ZNF609: variants seen among roughly 807,000 people sequenced by gnomAD.
ZNF609 encodes the protein zinc finger protein 609.
In ZNF609, 11 loss-of-function variants were observed where a neutral mutation model predicts 109.5. The ratio of observed to expected loss-of-function variants is 0.10; its 90% confidence interval spans 0.06 to 0.17. ZNF609 has a LOEUF of 0.17. ZNF609 is among the 10% of genes least tolerant of loss of function. ZNF609 has a pLI of 1.00. For synonymous variants in ZNF609, 646 were observed against 662.0 expected (o/e 0.98, Z 0.37); for missense variants, 1,559 against 1,772.4 (o/e 0.88, Z 2.16).
chr15:64,475,096 CCTT>C (rs1161132615), intron 1 of ZNF609, among the ~76,000 whole-genome samples: 15 of 94,714 alleles, frequency 1.6e-4, no homozygotes, highest in Non-Finnish European at 3.0e-4. Flanking sequence ...CCCAGTTTAT[CCTT>C]TTTTTTTTTT....
At chr15:64,581,890 T>C (rs1043561259) in intron 2 of ZNF609, among the ~76,000 whole-genome samples, 2 of 152,202 alleles carry the variant, frequency 1.3e-5, no homozygotes, top group African/African-American at 4.8e-5. Flanking sequence ...TTTTCAAAGA[T>C]CCTTTACTCT....
intron 1 of ZNF609, among the ~76,000 whole-genome samples, chr15:64,483,056 A>G (rs1893278235): frequency 6.6e-6 from 1 of 152,144 alleles, no homozygotes; most frequent in Non-Finnish European, 1.5e-5. Context: ...AGGAATATTA[A>G]CGAATTTGAT....
At chr15:64,587,128 G>T (rs1895211842) in intron 2 of ZNF609, among the ~76,000 whole-genome samples, 1 of 152,204 alleles carries the variant, frequency 6.6e-6, no homozygotes, top group South Asian at 2.1e-4. Context: ...AACTCACAAG[G>T]ATGGCGAAAA....
chr15:64,599,300 TTC>T (rs996104013), intron 2 of ZNF609, among the ~76,000 whole-genome samples: 109 of 152,134 alleles, frequency 7.2e-4, no homozygotes, highest in African/African-American at 2.5e-3. Flanking sequence ...CCTGTTTTTT[TTC>T]TTTTTCTTTC....
chr15:64,520,338 A>G (rs1463625575), intron 2 of ZNF609, among the ~76,000 whole-genome samples: 1 of 152,188 alleles, frequency 6.6e-6, no homozygotes, highest in Non-Finnish European at 1.5e-5. Flanking sequence ...ATGTCCCCAG[A>G]CACTGCCAAA....
chr15:64,567,800 T>C (rs1438213937), intron 2 of ZNF609, among the ~76,000 whole-genome samples: 6 of 152,108 alleles, frequency 3.9e-5, no homozygotes, highest in Non-Finnish European at 7.4e-5. Flanking sequence ...TAGCTGGGAC[T>C]ACAGACACGT....
intron 2 of ZNF609, among the ~76,000 whole-genome samples, chr15:64,579,288 A>G (rs572410882): frequency 2.0e-5 from 3 of 151,612 alleles, no homozygotes; most frequent in South Asian, 2.1e-4. Flanking sequence ...ATGCATGCCT[A>G]TAGTCTCAGC....
chr15:64,487,404 A>G (rs1227075670), intron 1 of ZNF609, among the ~76,000 whole-genome samples: 2 of 152,224 alleles, frequency 1.3e-5, no homozygotes, highest in Admixed American at 1.3e-4. Context: ...ATATGTATGT[A>G]GTAAAGTACA....
At chr15:64,571,448 C>T (rs944952464) in intron 2 of ZNF609, among the ~76,000 whole-genome samples, 14 of 152,028 alleles carry the variant, frequency 9.2e-5, no homozygotes, top group Non-Finnish European at 5.9e-5. Context: ...GTTATATAAA[C>T]AGCTGCTATT....
chr15:64,512,462 A>T (rs1323627107), intron 2 of ZNF609, among the ~76,000 whole-genome samples: 1 of 152,164 alleles, frequency 6.6e-6, no homozygotes, highest in Non-Finnish European at 1.5e-5. Flanking sequence ...CTGTGCTTAT[A>T]TTGGATAATA....
Position 64,559,199 on chromosome 15 carries a change from T to C in ZNF609, c.747+59033T>C, listed in dbSNP as rs191557338. On this transcript the variant is annotated intron_variant, in intron 2 of 9. Transcript: ENST00000326648. ...TTTTAGACCAAGGAGGTGCTTGTTG[T>C]TCTGCCTTAATTGCAACTTCTATTT... Among the ~76,000 whole-genome samples the C allele has an allele frequency of 2.7e-4, 41 of 152,374 alleles. 1 individual carries two copies. The highest frequency in any genetic ancestry group is 2.6e-3 in the Admixed American group (40 of 15,310).
chr15:64,626,694 T>C (rs1485437460), intron 3 of ZNF609, among the ~76,000 whole-genome samples: 3 of 152,222 alleles, frequency 2.0e-5, no homozygotes, highest in Non-Finnish European at 4.4e-5. Flanking sequence ...ACAGTGTTAC[T>C]TCTTTCTTTC....
intron 3 of ZNF609, among the ~76,000 whole-genome samples, chr15:64,660,520 A>C (rs12442470): frequency 0.25 from 37,933 of 152,130 alleles, 6,051 homozygotes; most frequent in Admixed American, 0.43. Flanking sequence ...AGAGTTGAGA[A>C]GTTATGACGG....
intron 4 of ZNF609, chr15:64,671,209 C>CAAAAA (rs946787824): frequency 2.1e-5 from 1 of 47,140 alleles, no homozygotes; most frequent in African/African-American, 7.9e-5. Context: ...GACTCCGTCT[C>CAAAAA]AAAAAAAAAA....
chr15:64,551,962 G>A (rs1326192861), intron 2 of ZNF609, among the ~76,000 whole-genome samples: 3 of 137,332 alleles, frequency 2.2e-5, no homozygotes, highest in East Asian at 1.9e-4. Context: ...CTCCAGCCTG[G>A]GTGACAGAGT....
intron 3 of ZNF609, among the ~76,000 whole-genome samples, chr15:64,627,663 CTTTTTT>C (rs35293725): frequency 3.5e-5 from 3 of 86,014 alleles, no homozygotes; most frequent in South Asian, 4.4e-4. Flanking sequence ...TTTTTTCTTT[CTTTTTT>C]TTTTTTTTTT....
chr15:64,506,474 A>C (rs1317996191), intron 2 of ZNF609, among the ~76,000 whole-genome samples: 1 of 144,218 alleles, frequency 6.9e-6, no homozygotes, highest in Non-Finnish European at 1.5e-5. Flanking sequence ...TAATCCCAGC[A>C]CTTTGGGAGG....
chr15:64,536,866 T>G (rs547772852), intron 2 of ZNF609, among the ~76,000 whole-genome samples: 1 of 138,896 alleles, frequency 7.2e-6, no homozygotes, highest in African/African-American at 2.7e-5. Flanking sequence ...GCCGGAATTG[T>G]GCCACTGCAC....
intron 1 of ZNF609, among the ~76,000 whole-genome samples, chr15:64,475,969 G>A (rs1323809282): frequency 6.6e-6 from 1 of 152,136 alleles, no homozygotes; most frequent in African/African-American, 2.4e-5. Flanking sequence ...AAAGGCAGAC[G>A]GTGAATGCCT....
Sources: allele counts gnomAD v4.1 joint callset (sites outside exome capture counted in the v4.1 genomes callset), GRCh38; gene constraint gnomAD v4.1.1; transcripts MANE v1.5; gene names NCBI Gene and HGNC (gene_info 2026-07-23, HGNC 2026-07-21).